SOX6: variants seen among roughly 807,000 people sequenced by gnomAD.
The protein encoded by SOX6 is SRY-box transcription factor 6.
SOX6 carries 11 observed loss-of-function variants against 97.8 expected under a neutral mutation model. The observed-to-expected ratio is 0.11, with a 90% confidence interval of 0.07 to 0.19. The LOEUF (loss-of-function observed/expected upper bound fraction) is 0.19, where lower values mean the gene tolerates loss of function less well. Ranked by LOEUF, SOX6 falls within the 10% of genes least tolerant of loss-of-function variation. SOX6 has a pLI of 1.00. For synonymous variants in SOX6, 360 were observed against 371.4 expected, an observed-to-expected ratio of 0.97 and a Z score of 0.35; for missense variants, 810 against 1,039.5, an observed-to-expected ratio of 0.78 and a Z score of 3.04.
intron 4 of SOX6, among the ~76,000 whole-genome samples, chr11:16,202,503 A>G (rs1375909283): frequency 6.6e-6 from 1 of 152,202 alleles, no homozygotes; most frequent in Non-Finnish European, 1.5e-5. Flanking sequence ...CCATTCAACA[A>G]GATAGTATTA....
intron 4 of SOX6, among the ~76,000 whole-genome samples, chr11:16,498,970 C>A (rs1483278500): frequency 1.3e-5 from 2 of 152,196 alleles, no homozygotes; most frequent in Non-Finnish European, 2.9e-5. Context: ...TAATAGACAT[C>A]TACAGAACTC....
chr11:16,003,269 TTGTG>T (rs1466850102), intron 13 of SOX6, among the ~76,000 whole-genome samples: 1 of 151,970 alleles, frequency 6.6e-6, no homozygotes, highest in African/African-American at 2.4e-5. Context: ...ACACACTGTG[TTGTG>T]TGTGTACATA....
At chr11:16,084,399 T>A (rs1848535209) in intron 9 of SOX6, among the ~76,000 whole-genome samples, 1 of 151,948 alleles carries the variant, frequency 6.6e-6, no homozygotes, top group Non-Finnish European at 1.5e-5. Flanking sequence ...TCAATAAATA[T>A]TTTTCAAATT....
chr11:16,477,548 G>C, upstream of SOX6, among the ~76,000 whole-genome samples: 1 of 152,044 alleles, frequency 6.6e-6, no homozygotes, highest in Non-Finnish European at 1.5e-5. Context: ...CTATTTTCTA[G>C]TCAAGATTTA....
At chr11:16,721,738 T>C (rs765371087) in intron 2 of SOX6, among the ~76,000 whole-genome samples, 1 of 150,964 alleles carries the variant, frequency 6.6e-6, no homozygotes, top group African/African-American at 2.4e-5. Context: ...ATGCCTCTAG[T>C]ATAGCCTGGA....
intron 4 of SOX6, among the ~76,000 whole-genome samples, chr11:16,499,495 C>G (rs1451949958): frequency 6.6e-6 from 1 of 152,044 alleles, no homozygotes; most frequent in Non-Finnish European, 1.5e-5. Context: ...ACCAAACAAC[C>G]CTTCAAAAAA....
At chr11:16,498,691 A>G (rs920587584) in intron 4 of SOX6, among the ~76,000 whole-genome samples, 2 of 152,230 alleles carry the variant, frequency 1.3e-5, no homozygotes, top group Non-Finnish European at 2.9e-5. Context: ...TTAAACCAAC[A>G]AAGATCAAAA....
At chr11:16,383,286 A>G in intron 1 of SOX6, among the ~76,000 whole-genome samples, 1 of 152,044 alleles carries the variant, frequency 6.6e-6, no homozygotes, top group East Asian at 1.9e-4. Context: ...CAGAGCAATA[A>G]GAAGAAAGAG....
At chr11:16,567,567 T>TC (rs1589988705) in intron 4 of SOX6, among the ~76,000 whole-genome samples, 4 of 116,290 alleles carry the variant, frequency 3.4e-5, no homozygotes, top group East Asian at 3.0e-4. Context: ...TTTTCTTTTT[T>TC]TTTTTTTTTT....
At chr11:16,545,057 A>G (rs925388990) in intron 4 of SOX6, among the ~76,000 whole-genome samples, 1 of 152,056 alleles carries the variant, frequency 6.6e-6, no homozygotes, top group African/African-American at 2.4e-5. Context: ...ACCCCATATC[A>G]TTTTTTAAAA....
intron 3 of SOX6, among the ~76,000 whole-genome samples, chr11:16,680,217 G>A (rs1048451821): frequency 3.3e-5 from 5 of 152,146 alleles, no homozygotes; most frequent in Admixed American, 6.5e-5. Context: ...GAGAAAAGTC[G>A]GGTTACCCAC....
At chr11:16,540,024 G>T (rs914990128) in intron 4 of SOX6, among the ~76,000 whole-genome samples, 3 of 152,014 alleles carry the variant, frequency 2.0e-5, no homozygotes, top group Admixed American at 6.6e-5. Flanking sequence ...AAAAAAAAGA[G>T]AATTTTAGAC....
At chr11:16,049,033 A>T (rs1010068094) in intron 11 of SOX6, among the ~76,000 whole-genome samples, 1 of 152,172 alleles carries the variant, frequency 6.6e-6, no homozygotes, top group African/African-American at 2.4e-5. Flanking sequence ...TAGGCATTTA[A>T]TATGCATTTT....
At chr11:16,393,871 C>T (rs1463783062) in intron 1 of SOX6, among the ~76,000 whole-genome samples, 2 of 151,972 alleles carry the variant, frequency 1.3e-5, no homozygotes, top group African/African-American at 2.4e-5. Flanking sequence ...CCTAATTCAT[C>T]CTGGTCCTTA....
chr11:16,515,277 T>A (rs1270942032), intron 4 of SOX6, among the ~76,000 whole-genome samples: 1 of 152,124 alleles, frequency 6.6e-6, no homozygotes, highest in Non-Finnish European at 1.5e-5. Flanking sequence ...TGGTTTTGAT[T>A]TGCATTTCTC....
intron 4 of SOX6, among the ~76,000 whole-genome samples, chr11:16,508,484 T>C (rs1212994207): frequency 6.6e-6 from 1 of 152,026 alleles, no homozygotes; most frequent in East Asian, 1.9e-4. Flanking sequence ...ATATACACAA[T>C]GGAATACTAT....
intron 1 of SOX6, among the ~76,000 whole-genome samples, chr11:16,350,304 G>A (rs991436199): frequency 6.6e-6 from 1 of 152,144 alleles, no homozygotes; most frequent in East Asian, 1.9e-4. Context: ...GGAAAACAAG[G>A]ATAGCAAGCG....
intron 3 of SOX6, among the ~76,000 whole-genome samples, chr11:16,693,925 A>G (rs1848034214): frequency 1.3e-5 from 2 of 152,204 alleles, no homozygotes; most frequent in African/African-American, 4.8e-5. Flanking sequence ...TATTTATTTT[A>G]AGATAGTTTT....
chr11:16,284,173 A>G (rs1854664460), intron 3 of SOX6, among the ~76,000 whole-genome samples: 1 of 152,158 alleles, frequency 6.6e-6, no homozygotes, highest in Non-Finnish European at 1.5e-5. Context: ...CTGGGTGTTC[A>G]TGCTAATTAA....
Sources: gnomAD v4.1 joint callset for allele counts (sites outside exome capture counted in the v4.1 genomes callset) on GRCh38, gnomAD v4.1.1 for gene constraint, MANE v1.5 for transcripts, NCBI Gene and HGNC (gene_info 2026-07-23, HGNC 2026-07-21) for gene names.